The following CNTN4 variants were observed in gnomAD, a reference collection of about 807,000 sequenced individuals.
The protein encoded by CNTN4 is contactin 4.
In CNTN4, 77 loss-of-function variants were observed where a neutral mutation model predicts 122.5. That is an observed-to-expected ratio of 0.63 (90% CI 0.52 to 0.76). The LOEUF (loss-of-function observed/expected upper bound fraction) is 0.76, where lower values mean the gene tolerates loss of function less well. CNTN4 is among the 30% of genes least tolerant of loss of function. The pLI is 0.00. For synonymous variants in CNTN4, 512 were observed against 447.0 expected, an observed-to-expected ratio of 1.15 and a Z score of -1.83; for missense variants, 1,256 against 1,259.1, an observed-to-expected ratio of 1.00 and a Z score of 0.04.
intron 16 of CNTN4, among the ~76,000 whole-genome samples, chr3:3,034,003 T>A (rs1258764085): frequency 6.6e-6 from 1 of 152,202 alleles, no homozygotes; most frequent in Non-Finnish European, 1.5e-5. Flanking sequence ...GGGAGCGCCT[T>A]GACTCTTGCG....
At position 2,385,637 on chromosome 3, in the gene CNTN4, GC is replaced by G. The variant is rs1471897639; in HGVS notation, c.-89+46405del. Among the ~76,000 whole-genome samples, 1 of 152,086 alleles carries G rather than the reference GC, an allele frequency of 6.6e-6. No individual in the cohort carries two copies. Among genetic ancestry groups the G allele is most frequent in the Non-Finnish European group, 1.5e-5 (1 of 68,026 alleles). On this transcript the variant is annotated intron_variant, in intron 3 of 24. Transcript: ENST00000418658. This position sits in a 1 kb window ranked among gnomAD's most constrained non-coding sequence, Gnocchi z 4.0. ...TTCTGTTAGCCCCAGTTGTTCTGCA[GC>G]TTGTGGGAGCATAACTCCAAGCTCA...
chr3:2,825,837 G>A (rs997099222), intron 7 of CNTN4, among the ~76,000 whole-genome samples: 2 of 151,992 alleles, frequency 1.3e-5, no homozygotes, highest in East Asian at 3.8e-4. Context: ...TCATTATTAC[G>A]GGTTTTGGAG....
intron 4 of CNTN4, among the ~76,000 whole-genome samples, chr3:2,591,663 C>T (rs865874658): frequency 1.9e-5 from 1 of 51,534 alleles, no homozygotes; most frequent in Non-Finnish European, 5.0e-5. Context: ...CGCGCCCGGC[C>T]GATTTGTGAC....
chr3:2,687,602 A>G (rs933098506), intron 4 of CNTN4, among the ~76,000 whole-genome samples: 1 of 152,198 alleles, frequency 6.6e-6, no homozygotes, highest in Middle Eastern at 3.2e-3. Context: ...ATGAGCCAAG[A>G]TTGCACTACT....
chr3:2,576,604 G>C (rs1002561786), intron 4 of CNTN4, among the ~76,000 whole-genome samples: 1 of 147,546 alleles, frequency 6.8e-6, no homozygotes, highest in Non-Finnish European at 1.5e-5. Flanking sequence ...CTGAAGTGCA[G>C]TGGCACGATC....
At chr3:2,781,863 T>C (rs1188253141) in intron 6 of CNTN4, among the ~76,000 whole-genome samples, 20 of 85,806 alleles carry the variant, frequency 2.3e-4, no homozygotes, top group South Asian at 2.2e-3. Flanking sequence ...TAGCTGGGAC[T>C]GCAGGCGCCC....
At chr3:2,121,981 G>A (rs1050369261) in intron 2 of CNTN4, among the ~76,000 whole-genome samples, 3 of 151,524 alleles carry the variant, frequency 2.0e-5, no homozygotes, top group Non-Finnish European at 2.9e-5. Context: ...GTGAAACCCC[G>A]TCTCTACTAA....
intron 2 of CNTN4, among the ~76,000 whole-genome samples, chr3:2,164,774 AC>A (rs1559301958): frequency 8.5e-5 from 13 of 152,272 alleles, no homozygotes; most frequent in African/African-American, 2.6e-4. Context: ...CTCTCACCAG[AC>A]ACAGTTTGCT....
intron 4 of CNTN4, among the ~76,000 whole-genome samples, chr3:2,645,346 T>A (rs1179335881): frequency 6.6e-6 from 1 of 152,208 alleles, no homozygotes; most frequent in Non-Finnish European, 1.5e-5. Context: ...AAGAACATGA[T>A]GTTATTAACT....
At chr3:2,920,486 C>T (rs1438542066) in intron 12 of CNTN4, among the ~76,000 whole-genome samples, 1 of 151,462 alleles carries the variant, frequency 6.6e-6, no homozygotes, top group African/African-American at 2.4e-5. Context: ...TAAGATGTAA[C>T]CATTGGGGGA....
At chr3:2,757,148 T>G (rs1379455840) in intron 6 of CNTN4, among the ~76,000 whole-genome samples, 1 of 152,206 alleles carries the variant, frequency 6.6e-6, no homozygotes, top group African/African-American at 2.4e-5. Context: ...ACTATGCATT[T>G]TCCCCTGGAG....
At chr3:2,795,412 C>G (rs991460999) in intron 6 of CNTN4, among the ~76,000 whole-genome samples, 1 of 152,096 alleles carries the variant, frequency 6.6e-6, no homozygotes, top group Non-Finnish European at 1.5e-5. Flanking sequence ...TCTCACAACT[C>G]CAGTGACATT....
chr3:2,546,497 G>C (rs1476963394), intron 3 of CNTN4, among the ~76,000 whole-genome samples: 2 of 152,024 alleles, frequency 1.3e-5, no homozygotes. Context: ...GCCTCCTTGA[G>C]GGTGGCGAGT....
At chr3:2,386,055 A>G (rs1295596341) in intron 3 of CNTN4, among the ~76,000 whole-genome samples, 1 of 151,984 alleles carries the variant, frequency 6.6e-6, no homozygotes, top group African/African-American at 2.4e-5. Context: ...ATTAATTTTC[A>G]TGTCACAGTA....
At chr3:2,446,852 C>T (rs964660268) in intron 3 of CNTN4, among the ~76,000 whole-genome samples, 1 of 152,112 alleles carries the variant, frequency 6.6e-6, no homozygotes, top group Non-Finnish European at 1.5e-5. Context: ...TGGAGAAAGC[C>T]AAGTTAAATC....
rs200480578 is a variant in CNTN4, at chr3:2,382,821, C to A, written c.-89+43588C>A. 2.4e-4 allele frequency among the ~76,000 whole-genome samples: 36 copies of A among 152,178 alleles called. 1 individual carries two copies. In the East Asian group the frequency reaches 4.7e-3, roughly 20 times the overall value. On this transcript the variant is annotated intron_variant, in intron 3 of 24. Transcript: ENST00000418658. ...AGGCCTGGTGGCTCATGCCTGTAAC[C>A]CCAGCACTTCGGGAGGCCGAGGCGG...
chr3:2,825,822 T>G (rs563605437), intron 7 of CNTN4, among the ~76,000 whole-genome samples: 5 of 152,312 alleles, frequency 3.3e-5, no homozygotes, highest in African/African-American at 1.2e-4. Context: ...ATTCTGCGAT[T>G]ATTTTCATTA....
At chr3:2,263,538 A>G (rs1010078809) in intron 2 of CNTN4, among the ~76,000 whole-genome samples, 7 of 152,058 alleles carry the variant, frequency 4.6e-5, no homozygotes, top group Non-Finnish European at 1.0e-4. Context: ...AGTGCATATG[A>G]TATTTTGATA....
At chr3:3,055,476 A>T (rs897400323) in intron 24 of CNTN4, among the ~76,000 whole-genome samples, 10 of 152,230 alleles carry the variant, frequency 6.6e-5, no homozygotes, top group African/African-American at 2.4e-4. Context: ...GGTCAAAGAG[A>T]CCTTACAAGA....
Sources: allele counts gnomAD v4.1 joint callset (sites outside exome capture counted in the v4.1 genomes callset), GRCh38; gene constraint gnomAD v4.1.1; non-coding constraint Gnocchi (gnomAD v3.1); transcripts MANE v1.5; gene names NCBI Gene and HGNC (gene_info 2026-07-23, HGNC 2026-07-21).